Variants in PIKFYVE observed in about 807,000 individuals in gnomAD.
The protein encoded by PIKFYVE is 1-phosphatidylinositol 3-phosphate 5-kinase.
A neutral mutation model predicts 257.9 loss-of-function variants in PIKFYVE; 122 were observed. The observed-to-expected ratio is 0.47, with a 90% CI of 0.41 to 0.55. The LOEUF is 0.55. PIKFYVE is among the 20% of genes least tolerant of loss of function. The pLI is 0.00. For synonymous variants in PIKFYVE, 892 were observed against 868.9 expected, an observed-to-expected ratio of 1.03 and a Z score of -0.47; for missense variants, 2,160 against 2,536.6, an observed-to-expected ratio of 0.85 and a Z score of 3.19.
At chr2:208,282,683 T>A (rs944604255) in intron 5 of PIKFYVE, among the ~76,000 whole-genome samples, 1 of 152,146 alleles carries the variant, frequency 6.6e-6, no homozygotes, top group Non-Finnish European at 1.5e-5. Flanking sequence ...CCAAAAAAAA[T>A]AACCTTCACA....
At chr2:208,350,206 C>A in intron 36 of PIKFYVE, 123 bp downstream of exon 36, 2 of 1,403,432 alleles carry the variant, frequency 1.4e-6, no homozygotes, top group East Asian at 2.6e-5. Flanking sequence ...AATATTAAGT[C>A]TTTATGCTGA....
At chr2:208,273,398 T>C (rs1318862246) in intron 2 of PIKFYVE, among the ~76,000 whole-genome samples, 186 bp from the exon 3 acceptor site, 1 of 151,992 alleles carries the variant, frequency 6.6e-6, no homozygotes, top group African/African-American at 2.4e-5. Flanking sequence ...AGGAGTTCAG[T>C]ACCAGCCTGG....
At chr2:208,329,943 T>G in intron 22 of PIKFYVE, 30 bp downstream of exon 22, 1 of 1,605,068 alleles carries the variant, frequency 6.2e-7, no homozygotes, top group South Asian at 1.1e-5. Context: ...TTCTGTTCCA[T>G]TACACATTTT....
intron 5 of PIKFYVE, among the ~76,000 whole-genome samples, chr2:208,279,022 C>A (rs531323116): frequency 6.6e-6 from 1 of 152,322 alleles, no homozygotes; most frequent in East Asian, 1.9e-4. Context: ...ACATTCCCAT[C>A]AGCAGTGTAT....
rs564453048 is a variant in PIKFYVE, at chr2:208,316,284, A to G, written c.2007+911A>G. 3.0e-4 allele frequency among the ~76,000 whole-genome samples: 45 copies of G among 152,244 alleles called. 1 individual carries two copies. In the East Asian group the frequency reaches 4.1e-3, roughly 14 times the overall value. On this transcript the variant is annotated intron_variant, in intron 15 of 41. Coordinates refer to ENST00000264380, the MANE Select transcript of PIKFYVE (RefSeq NM_015040.4). ...TTAATCCAGTCTATCATTATTGGAC[A>G]TTTGGGTTGGTTCCAAGTCTTTGCT...
chr2:208,286,074 C>A, intron 6 of PIKFYVE, 141 bp downstream of exon 6: 1 of 873,190 alleles, frequency 1.1e-6, no homozygotes, highest in Non-Finnish European at 1.8e-6. Context: ...TTTGGCTTGC[C>A]TCCAGAATGT....
chr2:208,319,193 T>C (rs1009212798), intron 16 of PIKFYVE, among the ~76,000 whole-genome samples: 1 of 152,204 alleles, frequency 6.6e-6, no homozygotes, highest in African/African-American at 2.4e-5. Flanking sequence ...ACTCTAGTCT[T>C]GTTTTCACTT....
intron 28 of PIKFYVE, 115 bp downstream of exon 28, chr2:208,337,043 TTTTC>T: frequency 5.2e-6 from 4 of 773,252 alleles, no homozygotes; most frequent in Non-Finnish European, 8.5e-6. Context: ...TCCAGTAGGG[TTTTC>T]CATTTTGAAT....
At chr2:208,319,994 A>AG (rs765247262) in intron 16 of PIKFYVE, among the ~76,000 whole-genome samples, 69 of 152,274 alleles carry the variant, frequency 4.5e-4, no homozygotes, top group Non-Finnish European at 8.1e-4. Flanking sequence ...TAAAAAAAAA[A>AG]GTTAAAGAGT....
At chr2:208,335,685 A>G (rs1698059983) in intron 25 of PIKFYVE, 108 bp from the exon 26 acceptor site, 1 of 968,974 alleles carries the variant, frequency 1.0e-6, no homozygotes, top group Admixed American at 2.0e-5. Context: ...TTAATTAGGT[A>G]AAACATAATT....
At chr2:208,329,080 TA>T (rs901695986) in intron 21 of PIKFYVE, among the ~76,000 whole-genome samples, 7 of 152,206 alleles carry the variant, frequency 4.6e-5, no homozygotes, top group African/African-American at 1.4e-4. Context: ...TGTTTTAAAT[TA>T]TTTTTTTCAA....
Position 208,326,045 on chromosome 2 carries a change from A to G in PIKFYVE, c.3234A>G (p.Arg1078=), listed in dbSNP as rs761508209. The G allele has an allele frequency of 6.8e-6, 11 of 1,614,142 alleles. No homozygotes were observed. The highest frequency in any genetic ancestry group is 1.1e-5 in the South Asian group (1 of 91,086). The change falls in exon 20 of 42, where the codon CGA becomes CGG. Residue 1078 remains arginine, a synonymous_variant. Transcript: ENST00000264380. ...AAAAGGGGATGAGATGCTCTACCCG[A>G]GATTATTTTGCAGAGCAGGTTTACT... ...LTEKGMRCST[R]DYFAEQVYWS... is the part of the protein sequence containing the mutation.
At chr2:208,329,214 AT>A (rs1196146490) in intron 21 of PIKFYVE, among the ~76,000 whole-genome samples, 1 of 152,148 alleles carries the variant, frequency 6.6e-6, no homozygotes, top group Non-Finnish European at 1.5e-5. Flanking sequence ...GCCAGAACAT[AT>A]TCTGTGTTTT....
intron 5 of PIKFYVE, among the ~76,000 whole-genome samples, chr2:208,281,913 A>G (rs1690864189): frequency 1.3e-5 from 2 of 152,202 alleles, no homozygotes; most frequent in Admixed American, 6.5e-5. Flanking sequence ...CAATCTTAGC[A>G]CTGAACCTGC....
intron 29 of PIKFYVE, 85 bp from the exon 30 acceptor site, chr2:208,339,333 C>T: frequency 6.8e-7 from 1 of 1,460,284 alleles, no homozygotes; most frequent in African/African-American, 1.4e-5. Context: ...AGGAAGTAGG[C>T]ATATGAATGA....
At chr2:208,292,848 G>A (rs971655697) in intron 7 of PIKFYVE, among the ~76,000 whole-genome samples, 1 of 151,820 alleles carries the variant, frequency 6.6e-6, no homozygotes, top group Non-Finnish European at 1.5e-5. Context: ...TTTGGGTCTT[G>A]GTTTTGATCC....
rs1001005390 is a variant in PIKFYVE at position 208,325,525 on chromosome 2, A to G, written c.2714A>G (p.Gln905Arg). The G allele has an allele frequency of 3.1e-6, 5 of 1,614,072 alleles. No individual in the cohort carries two copies. The African/African-American group carries it at 6.7e-5, about 22-fold the overall frequency. ...GRGHEGAVQE[Q>R]YGGGSIPWDP... is the part of the protein sequence containing the mutation. ...GGGCATGAGGGGGCTGTCCAAGAGC[A>G]GTACGGTGGAGGTTCCATCCCCTGG... The change falls in exon 20 of 42, where the codon CAG becomes CGG. Residue 905 changes from glutamine (Q) to arginine (R), a missense_variant. By Grantham distance (43) the Gln-to-Arg change is conservative. Coordinates refer to ENST00000264380, the MANE Select transcript of PIKFYVE (RefSeq NM_015040.4).
chr2:208,296,562 G>A (rs1693016514), intron 7 of PIKFYVE, among the ~76,000 whole-genome samples: 1 of 152,160 alleles, frequency 6.6e-6, no homozygotes, highest in Non-Finnish European at 1.5e-5. Context: ...ACAGGCTAGA[G>A]ATGTAAACTT....
chr2:208,277,434 ATTAG>A (rs1246248524), intron 4 of PIKFYVE, 99 bp from the exon 5 acceptor site: 1 of 1,275,434 alleles, frequency 7.8e-7, no homozygotes, highest in Non-Finnish European at 1.1e-6. Context: ...GAATTTTTGA[ATTAG>A]TTTGTTTTCT....
Sources: allele counts gnomAD v4.1 joint callset (sites outside exome capture counted in the v4.1 genomes callset), GRCh38; gene constraint gnomAD v4.1.1; transcripts MANE v1.5; gene names NCBI Gene and HGNC (gene_info 2026-07-23, HGNC 2026-07-21).